The following CITED4 variants were observed in gnomAD, a reference collection of about 807,000 sequenced individuals.
CITED4 encodes the protein cbp/p300-interacting transactivator 4.
Under a neutral mutation model 3.3 loss-of-function variants are expected in CITED4, and 3 were observed. That is an observed-to-expected ratio of 0.92 (90% CI 0.42 to 2.38). CITED4 has a LOEUF of 2.38. Among genes scored for constraint, CITED4 ranks in the 30% most tolerant of loss-of-function variants. The pLI, the probability that CITED4 is intolerant of heterozygous loss-of-function variation, is 0.05. For missense variants in CITED4, 333 were observed against 274.2 expected, an observed-to-expected ratio of 1.21 and a Z score of -1.51; for synonymous variants, 167 against 145.8, an observed-to-expected ratio of 1.15 and a Z score of -1.05.
In CITED4 at chr1:40,861,894, G is replaced by A. The variant is rs1318605424; in HGVS notation, c.234C>T (p.Ala78=). 15 of 1,242,232 alleles carry A rather than the reference G, an allele frequency of 1.2e-5. No homozygotes were observed. The highest frequency in any genetic ancestry group is 8.0e-5 in the African/African-American group (5 of 62,842). 77.0% of individuals were successfully genotyped at this position (1,242,232 alleles called of 1,614,324 possible). The part of the protein sequence containing the change: ...GPPSSFQPFP[A]VPPPAAGIAH... ...CGATGCCCGCGGCCGGCGGAGGCACGGCCGGAAAGGGCTGGAAGGAGGACG... is the reference window on the plus strand; with the variant it reads ...CGATGCCCGCGGCCGGCGGAGGCACAGCCGGAAAGGGCTGGAAGGAGGACG... Residue 78 remains alanine (A), a synonymous_variant, in exon 1 of 1, where the codon GCC becomes GCT. Transcript: ENST00000372638.
rs1649385588 is a variant in CITED4, at chr1:40,861,815, T to G, written c.313A>C (p.Asn105His). The stretch of plus-strand genomic sequence containing the variant: ...GGGCCCGGGGGGCCTCCCGGAGCGT[T>G]GGGGGGCGCGGCCGCGCGGCCGGGG... ...PYPGRAAAPP[N>H]APGGPPGPQP... The change falls in exon 1 of 1, where the codon AAC becomes CAC. Residue 105 changes from asparagine to histidine, a missense_variant. Physicochemically the swap from Asn to His is moderately conservative, Grantham distance 68. Transcript: ENST00000372638. 2 of 1,098,390 alleles carry G rather than the reference T, an allele frequency of 1.8e-6. No individual in the cohort carries two copies. Among genetic ancestry groups the G allele is most frequent in the Non-Finnish European group, 2.2e-6 (2 of 905,116 alleles). 68.0% of individuals were successfully genotyped at this position (1,098,390 alleles called of 1,614,324 possible).
Position 40,861,391 on chromosome 1 carries a change from T to A in CITED4, c.*182A>T. 1 of 349,306 alleles carries A rather than the reference T, an allele frequency of 2.9e-6. No homozygotes were observed. Among genetic ancestry groups the A allele is most frequent in the Non-Finnish European group, 5.1e-6 (1 of 195,086 alleles). 21.6% of individuals were successfully genotyped at this position (349,306 alleles called of 1,614,324 possible). A position where few individuals can be genotyped will look rare whatever the true frequency, so the allele number is the denominator to read the frequency against. ...TCAGAGAAGTGAAGCCAAACTGTCCTCCCGCAGGAGGCAAGGCCTGGAGGG... is the reference window on the plus strand; with the variant it reads ...TCAGAGAAGTGAAGCCAAACTGTCCACCCGCAGGAGGCAAGGCCTGGAGGG... On this transcript the variant is annotated 3_prime_UTR_variant, in exon 1 of 1. Transcript: ENST00000372638.
In CITED4 at chr1:40,861,524, A is replaced by C; in HGVS notation, c.*49T>G. The C allele has an allele frequency of 2.5e-6, 3 of 1,189,856 alleles. No homozygotes were observed. Among genetic ancestry groups the C allele is most frequent in the Non-Finnish European group, 2.2e-6 (2 of 922,818 alleles). The allele number at this position is 1,189,856 out of a possible 1,614,324, so 73.7% of individuals were successfully genotyped here. A position where few individuals can be genotyped will look rare whatever the true frequency, so the allele number is the denominator to read the frequency against. On this transcript the variant is annotated 3_prime_UTR_variant, in exon 1 of 1. Coordinates refer to ENST00000372638, the MANE Select transcript of CITED4 (RefSeq NM_133467.3). Reference sequence around the variant, plus strand: ...TCGCTGGGTGCAGGGTCCGGCGGGCAGTCGGGCCCTTTCTCCTCTCCGGCA... The same window carrying C: ...TCGCTGGGTGCAGGGTCCGGCGGGCCGTCGGGCCCTTTCTCCTCTCCGGCA...
At position 40,862,163 on chromosome 1, in the gene CITED4, G is replaced by A; in HGVS notation, c.-36C>T. ...CGGCTGCCTGCGGGGACAGCGCGCG[G>A]TGGTCAGCGCCGGCTCCCCCGGCCC... is the stretch of plus-strand genomic sequence containing the variant. On this transcript the variant is annotated 5_prime_UTR_variant, in exon 1 of 1. Coordinates refer to ENST00000372638, the MANE Select transcript of CITED4 (RefSeq NM_133467.3). The A allele has an allele frequency of 8.2e-7, 1 of 1,218,616 alleles. No homozygotes were observed. The highest frequency in any genetic ancestry group is 1.0e-6 in the Non-Finnish European group (1 of 972,764). The allele number at this position is 1,218,616 out of a possible 1,614,324, so 75.5% of individuals were successfully genotyped here. A position where few individuals can be genotyped will look rare whatever the true frequency, so the allele number is the denominator to read the frequency against.
chr1:40,862,117 T>C lies in CITED4; in HGVS notation c.11A>G (p.His4Arg). The C allele has an allele frequency of 7.7e-7, 1 of 1,290,944 alleles. No individual in the cohort carries two copies. Among genetic ancestry groups the C allele is most frequent in the Non-Finnish European group, 9.8e-7 (1 of 1,021,012 alleles). The allele number at this position is 1,290,944 out of a possible 1,614,324, so 80.0% of individuals were successfully genotyped here. A position where few individuals can be genotyped will look rare whatever the true frequency, so the allele number is the denominator to read the frequency against. The change falls in exon 1 of 1, where the codon CAC (histidine) becomes CGC (arginine). Residue 4 changes from histidine (H) to arginine (R), a missense_variant. Physicochemically the swap from His to Arg is conservative, Grantham distance 29 (BLOSUM62 0). Coordinates refer to ENST00000372638, the MANE Select transcript of CITED4 (RefSeq NM_133467.3). Reference sequence around the variant, plus strand: ...GCGGTAGCCCTCGGCGAGCATCAGGTGGTCGGCCATGGCGGCAGGCCGGCT... The same window carrying C: ...GCGGTAGCCCTCGGCGAGCATCAGGCGGTCGGCCATGGCGGCAGGCCGGCT... Reference protein sequence around the residue: MADHLMLAEGYRLV... With the variant: MADRLMLAEGYRLV...
rs898614829 is a variant in CITED4 at position 40,862,147 on chromosome 1, G to C, written c.-20C>G. 1 of 1,246,264 alleles carries C rather than the reference G, an allele frequency of 8.0e-7. No homozygotes were observed. Among genetic ancestry groups the C allele is most frequent in the Non-Finnish European group, 1.0e-6 (1 of 993,968 alleles). The allele number at this position is 1,246,264 out of a possible 1,614,324, so 77.2% of individuals were successfully genotyped here. A position where few individuals can be genotyped will look rare whatever the true frequency, so the allele number is the denominator to read the frequency against. ...GGCCATGGCGGCAGGCCGGCTGCCT[G>C]CGGGGACAGCGCGCGGTGGTCAGCG... On this transcript the variant is annotated 5_prime_UTR_variant, in exon 1 of 1. Coordinates refer to ENST00000372638, the MANE Select transcript of CITED4 (RefSeq NM_133467.3).
Position 40,862,204 on chromosome 1 carries a change from C to G in CITED4, c.-77G>C. ...CCCCCGGCCCGGGCCAGCGGCTGCT[C>G]TGCGGCGGGAGACCCGGGCACCGTG... On this transcript the variant is annotated 5_prime_UTR_variant, in exon 1 of 1. Coordinates refer to ENST00000372638, the MANE Select transcript of CITED4 (RefSeq NM_133467.3). The G allele has an allele frequency of 2.1e-6, 2 of 953,574 alleles. No homozygotes were observed. The highest frequency in any genetic ancestry group is 2.7e-6 in the Non-Finnish European group (2 of 743,404). 59.1% of individuals were successfully genotyped at this position (953,574 alleles called of 1,614,324 possible). A position where few individuals can be genotyped will look rare whatever the true frequency, so the allele number is the denominator to read the frequency against.
Position 40,861,441 on chromosome 1 carries a change from G to C in CITED4, c.*132C>G, listed in dbSNP as rs969672108. 7.0e-6 allele frequency: 3 copies of C among 428,262 alleles called. No homozygotes were observed. Among genetic ancestry groups the C allele is most frequent in the Non-Finnish European group, 1.1e-5 (3 of 262,708 alleles). The allele number at this position is 428,262 out of a possible 1,614,324, so 26.5% of individuals were successfully genotyped here. ...GACGCCAGGGTCCCAGTCCGGTGCC[G>C]GGCCCTGCGCACACAGCCGCCGCCT... On this transcript the variant is annotated 3_prime_UTR_variant, in exon 1 of 1. Transcript: ENST00000372638.
In CITED4 at chr1:40,861,905, G is replaced by C; in HGVS notation, c.223C>G (p.Pro75Ala). ...GCCGGCGGAGGCACGGCCGGAAAGG[G>C]CTGGAAGGAGGACGGCGGCCCGAAG... Reference protein sequence around the residue: ...GAFGPPSSFQPFPAVPPPAAG... With the variant: ...GAFGPPSSFQAFPAVPPPAAG... The change falls in exon 1 of 1, where the codon CCC becomes GCC. Residue 75 changes from proline (P) to alanine (A), a missense_variant. By Grantham distance (27) the Pro-to-Ala change is conservative. Transcript: ENST00000372638. 8.0e-7 allele frequency: 1 copy of C among 1,254,624 alleles called. No homozygotes were observed. The highest frequency in any genetic ancestry group is 1.0e-6 in the Non-Finnish European group (1 of 994,746). 77.7% of individuals were successfully genotyped at this position (1,254,624 alleles called of 1,614,324 possible).
chr1:40,861,929 A>G lies in CITED4; in HGVS notation c.199T>C (p.Phe67Leu), dbSNP rs1649391811. The G allele has an allele frequency of 1.6e-6, 2 of 1,246,216 alleles. No individual in the cohort carries two copies. Among genetic ancestry groups the G allele is most frequent in the Non-Finnish European group, 2.0e-6 (2 of 994,166 alleles). 77.2% of individuals were successfully genotyped at this position (1,246,216 alleles called of 1,614,324 possible). ...RQPGALAYGA[F>L]GPPSSFQPFP... is the part of the protein sequence containing the mutation. ...GGCTGGAAGGAGGACGGCGGCCCGAAGGCCCCGTACGCCAGGGCCCCGGGT... is the reference window on the plus strand; with the variant it reads ...GGCTGGAAGGAGGACGGCGGCCCGAGGGCCCCGTACGCCAGGGCCCCGGGT... Residue 67 changes from phenylalanine to leucine, a missense_variant, in exon 1 of 1, where the codon TTC becomes CTC. Transcript: ENST00000372638.
chr1:40,861,551 G>T lies in CITED4; in HGVS notation c.*22C>A. The T allele has an allele frequency of 1.5e-6, 2 of 1,367,678 alleles. No homozygotes were observed. Among genetic ancestry groups the T allele is most frequent in the Non-Finnish European group, 1.9e-6 (2 of 1,063,036 alleles). 84.7% of individuals were successfully genotyped at this position (1,367,678 alleles called of 1,614,324 possible). A position where few individuals can be genotyped will look rare whatever the true frequency, so the allele number is the denominator to read the frequency against. ...TCGGGCCCTTTCTCCTCTCCGGCAC[G>T]CCGGGCGGGCGCCGGCCGCCCTCAG... On this transcript the variant is annotated 3_prime_UTR_variant, in exon 1 of 1. Transcript: ENST00000372638.
chr1:40,861,874 C>A lies in CITED4; in HGVS notation c.254G>T (p.Gly85Val). The change falls in exon 1 of 1, where the codon GGC becomes GTC. Residue 85 changes from glycine (G) to valine (V), a missense_variant. Transcript: ENST00000372638. ...PFPAVPPPAA[G>V]IAHLQPVATP... ...CGCCACAGGCTGCAGGTGCGCGATG[C>A]CCGCGGCCGGCGGAGGCACGGCCGG... 8.2e-7 allele frequency: 1 copy of A among 1,221,006 alleles called. No individual in the cohort carries two copies. The highest frequency in any genetic ancestry group is 1.0e-6 in the Non-Finnish European group (1 of 975,516). The allele number at this position is 1,221,006 out of a possible 1,614,324, so 75.6% of individuals were successfully genotyped here. A position where few individuals can be genotyped will look rare whatever the true frequency, so the allele number is the denominator to read the frequency against.
rs1252834470 is a variant in CITED4 at position 40,861,384 on chromosome 1, A to T, written c.*189T>A. The T allele has an allele frequency of 2.9e-6, 1 of 345,104 alleles. No homozygotes were observed. Among genetic ancestry groups the T allele is most frequent in the Non-Finnish European group, 5.2e-6 (1 of 192,032 alleles). 21.4% of individuals were successfully genotyped at this position (345,104 alleles called of 1,614,324 possible). On this transcript the variant is annotated 3_prime_UTR_variant, in exon 1 of 1. Coordinates refer to ENST00000372638, the MANE Select transcript of CITED4 (RefSeq NM_133467.3). ...GCTGGGGTCAGAGAAGTGAAGCCAAACTGTCCTCCCGCAGGAGGCAAGGCC... is the reference window on the plus strand; with the variant it reads ...GCTGGGGTCAGAGAAGTGAAGCCAATCTGTCCTCCCGCAGGAGGCAAGGCC...
At position 40,861,825 on chromosome 1, in the gene CITED4, G is replaced by A; in HGVS notation, c.303C>T (p.Ala101=). The A allele has an allele frequency of 9.1e-7, 1 of 1,101,086 alleles. No individual in the cohort carries two copies. Among genetic ancestry groups the A allele is most frequent in the Non-Finnish European group, 1.1e-6 (1 of 906,448 alleles). The allele number at this position is 1,101,086 out of a possible 1,614,324, so 68.2% of individuals were successfully genotyped here. The change falls in exon 1 of 1, where the codon GCC becomes GCT. Residue 101 remains alanine (A), a synonymous_variant. Coordinates refer to ENST00000372638, the MANE Select transcript of CITED4 (RefSeq NM_133467.3). The stretch of plus-strand genomic sequence containing the variant: ...GGCCTCCCGGAGCGTTGGGGGGCGC[G>A]GCCGCGCGGCCGGGGTACGGCGTCG... ...PVATPYPGRA[A]APPNAPGGPP... is the part of the protein sequence containing the mutation.
chr1:40,862,198 G>GAC lies in CITED4; in HGVS notation c.-72_-71insGT. On this transcript the variant is annotated 5_prime_UTR_variant, in exon 1 of 1. Coordinates refer to ENST00000372638, the MANE Select transcript of CITED4 (RefSeq NM_133467.3). ...CCGGCTCCCCCGGCCCGGGCCAGCG[G>GAC]CTGCTCTGCGGCGGGAGACCCGGGC... The GAC allele has an allele frequency of 9.6e-7, 1 of 1,041,928 alleles. No individual in the cohort carries two copies. Among genetic ancestry groups the GAC allele is most frequent in the African/African-American group, 1.7e-5 (1 of 59,762 alleles). 64.5% of individuals were successfully genotyped at this position (1,041,928 alleles called of 1,614,324 possible).
rs903113848 is a variant in CITED4, at chr1:40,862,053, G to A, written c.75C>T (p.Gly25=). The part of the protein sequence containing the change: ...QRPPSAAAAH[G]PHALRTLPPY... ...GCGGCAGAGTCCGGAGCGCATGAGG[G>A]CCATGGGCGGCCGCGGCGGACGGCG... The change falls in exon 1 of 1, where the codon GGC becomes GGT. Residue 25 remains glycine (G), a synonymous_variant. Coordinates refer to ENST00000372638, the MANE Select transcript of CITED4 (RefSeq NM_133467.3). The A allele has an allele frequency of 1.5e-6, 2 of 1,323,778 alleles. No homozygotes were observed. The highest frequency in any genetic ancestry group is 1.9e-6 in the Non-Finnish European group (2 of 1,035,648). The allele number at this position is 1,323,778 out of a possible 1,614,324, so 82.0% of individuals were successfully genotyped here.
Position 40,862,069 on chromosome 1 carries a change from G to A in CITED4, c.59C>T (p.Ala20Val). ...CGCATGAGGGCCATGGGCGGCCGCG[G>A]CGGACGGCGGCCTCTGCACCAGGCG... is the stretch of plus-strand genomic sequence containing the variant. ...GYRLVQRPPSAAAAHGPHALR... is the reference protein window; with the variant it reads ...GYRLVQRPPSVAAAHGPHALR... The change falls in exon 1 of 1, where the codon GCC (alanine) becomes GTC (valine). Residue 20 changes from alanine to valine, a missense_variant. Physicochemically the swap from Ala to Val is moderately conservative, Grantham distance 64. Transcript: ENST00000372638. 1.5e-6 allele frequency: 2 copies of A among 1,320,178 alleles called. No individual in the cohort carries two copies. Among genetic ancestry groups the A allele is most frequent in the Non-Finnish European group, 1.9e-6 (2 of 1,034,708 alleles). The allele number at this position is 1,320,178 out of a possible 1,614,324, so 81.8% of individuals were successfully genotyped here. A position where few individuals can be genotyped will look rare whatever the true frequency, so the allele number is the denominator to read the frequency against.
Position 40,861,741 on chromosome 1 carries a change from C to T in CITED4, c.387G>A (p.Leu129=). 2.3e-6 allele frequency: 3 copies of T among 1,319,612 alleles called. 1 individual carries two copies. Among genetic ancestry groups the T allele is most frequent in the South Asian group, 1.8e-5 (1 of 56,766 alleles). The allele number at this position is 1,319,612 out of a possible 1,614,324, so 81.7% of individuals were successfully genotyped here. Residue 129 remains leucine (L), a synonymous_variant, in exon 1 of 1, where the codon CTG becomes CTA. Transcript: ENST00000372638. ...CGATGAGTTCGGCGTCCATGCCGCC[C>T]AGGGCGTGCGCGGGCGGCGGCGGGG... ...AAAPPPPAHA[L]GGMDAELIDE... is the part of the protein sequence containing the mutation.
Position 40,862,196 on chromosome 1 carries a change from C to G in CITED4, c.-69G>C. 7.6e-6 allele frequency: 8 copies of G among 1,047,366 alleles called. No homozygotes were observed. Among genetic ancestry groups the G allele is most frequent in the Non-Finnish European group, 9.7e-6 (8 of 825,770 alleles). 64.9% of individuals were successfully genotyped at this position (1,047,366 alleles called of 1,614,324 possible). ...CGCCGGCTCCCCCGGCCCGGGCCAG[C>G]GGCTGCTCTGCGGCGGGAGACCCGG... On this transcript the variant is annotated 5_prime_UTR_variant, in exon 1 of 1. Coordinates refer to ENST00000372638, the MANE Select transcript of CITED4 (RefSeq NM_133467.3).
Sources: allele counts gnomAD v4.1 joint callset, GRCh38; gene constraint gnomAD v4.1.1; transcripts MANE v1.5; gene names NCBI Gene and HGNC (gene_info 2026-07-23, HGNC 2026-07-21).